MARCHF11: variants seen among roughly 807,000 people sequenced by gnomAD.
The protein encoded by MARCHF11 is E3 ubiquitin-protein ligase MARCHF11.
Under a neutral mutation model 37.3 loss-of-function variants are expected in MARCHF11, and 29 were observed. That is an observed-to-expected ratio of 0.78 (90% CI 0.58 to 1.06). MARCHF11 has a LOEUF of 1.06. Ranked by LOEUF, MARCHF11 falls within the 50% of genes least tolerant of loss-of-function variation. The pLI, the probability that MARCHF11 is intolerant of heterozygous loss-of-function variation, is 0.00. For missense variants in MARCHF11, 482 were observed against 533.4 expected (o/e 0.90, Z 0.95); for synonymous variants, 233 against 228.0 (o/e 1.02, Z -0.20).
At chr5:16,116,427 A>T (rs894696587) in intron 2 of MARCHF11, among the ~76,000 whole-genome samples, 6 of 152,170 alleles carry the variant, frequency 3.9e-5, no homozygotes, top group African/African-American at 1.4e-4. Flanking sequence ...TTCATCAAAC[A>T]ACTCTGAATA....
intron 2 of MARCHF11, among the ~76,000 whole-genome samples, chr5:16,098,231 C>G (rs1207726826): frequency 6.6e-6 from 1 of 152,114 alleles, no homozygotes; most frequent in Non-Finnish European, 1.5e-5. Context: ...GAAATGCTAT[C>G]TTTTCTCTGA....
intron 2 of MARCHF11, among the ~76,000 whole-genome samples, chr5:16,156,555 A>G (rs1447452148): frequency 1.3e-5 from 2 of 151,882 alleles, no homozygotes; most frequent in African/African-American, 2.4e-5. Context: ...TAATGTGAGC[A>G]TGTCTTTCCT....
intron 3 of MARCHF11, among the ~76,000 whole-genome samples, chr5:16,070,394 A>G (rs1425241460): frequency 6.6e-6 from 1 of 152,236 alleles, no homozygotes; most frequent in Non-Finnish European, 1.5e-5. Context: ...AGACATTATT[A>G]TTAATTAAAA....
chr5:16,179,436 C>A lies in MARCHF11; in HGVS notation c.140G>T (p.Arg47Leu). Residue 47 changes from arginine to leucine, a missense_variant, in exon 1 of 4, where the codon CGC (arginine) becomes CTC (leucine). Coordinates refer to ENST00000332432, the MANE Select transcript of MARCHF11 (RefSeq NM_001102562.3). The part of the protein sequence containing the change: ...GEPAPVPAAP[R>L]YLPPLPASPE... ...GGACGCGGGCAGCGGCGGCAGGTAG[C>A]GCGGGGCCGCGGGGACCGGGGCCGG... 9.0e-7 allele frequency: 1 copy of A among 1,111,112 alleles called. No individual in the cohort carries two copies. The highest frequency in any genetic ancestry group is 1.1e-6 in the Non-Finnish European group (1 of 912,262). The allele number at this position is 1,111,112 out of a possible 1,614,324, so 68.8% of individuals were successfully genotyped here. A position where few individuals can be genotyped will look rare whatever the true frequency, so the allele number is the denominator to read the frequency against.
At chr5:16,125,028 T>C (rs1737378809) in intron 2 of MARCHF11, among the ~76,000 whole-genome samples, 1 of 151,528 alleles carries the variant, frequency 6.6e-6, no homozygotes, top group Non-Finnish European at 1.5e-5. Flanking sequence ...ATTCTTATTG[T>C]TTGATTAGGT....
intron 2 of MARCHF11, among the ~76,000 whole-genome samples, chr5:16,163,626 A>G (rs1290865217): frequency 6.6e-6 from 1 of 152,090 alleles, no homozygotes; most frequent in Non-Finnish European, 1.5e-5. Context: ...GAAAAGATAA[A>G]TCATGCAAAT....
chr5:16,172,454 G>C (rs1372216527), intron 2 of MARCHF11, among the ~76,000 whole-genome samples: 2 of 152,112 alleles, frequency 1.3e-5, no homozygotes, highest in Non-Finnish European at 2.9e-5. Context: ...CCCTCAGCTT[G>C]TCATTTGCTA....
intron 2 of MARCHF11, among the ~76,000 whole-genome samples, chr5:16,152,811 T>C (rs1443130498): frequency 6.6e-6 from 1 of 152,038 alleles, no homozygotes. Flanking sequence ...TTGGACTAAA[T>C]GTCTCTCTCT....
At chr5:16,118,039 A>G (rs1475702982) in intron 2 of MARCHF11, among the ~76,000 whole-genome samples, 1 of 152,260 alleles carries the variant, frequency 6.6e-6, no homozygotes, top group Non-Finnish European at 1.5e-5. Flanking sequence ...GCATTTTATC[A>G]TGACAGCTAA....
chr5:16,089,509 T>C (rs1413842362), intron 3 of MARCHF11, among the ~76,000 whole-genome samples: 3 of 152,150 alleles, frequency 2.0e-5, no homozygotes, highest in African/African-American at 7.2e-5. Flanking sequence ...ATTCAAAACA[T>C]TTCATTCTTT....
Position 16,139,975 on chromosome 5 carries a change from G to C in MARCHF11, c.693+37751C>G, listed in dbSNP as rs906675950. On this transcript the variant is annotated intron_variant, in intron 2 of 3. Transcript: ENST00000332432. ...AGTAGAAATTAAATAGACAATACTT[G>C]CTGTTGACAATGTAATAAAAATCTA... Among the ~76,000 whole-genome samples the C allele has an allele frequency of 1.4e-4, 22 of 152,244 alleles. 1 individual carries two copies. The highest frequency in any genetic ancestry group is 1.3e-3 in the Admixed American group (20 of 15,286).
At chr5:16,070,087 G>A (rs1430490932) in intron 3 of MARCHF11, among the ~76,000 whole-genome samples, 2 of 152,254 alleles carry the variant, frequency 1.3e-5, no homozygotes, top group Admixed American at 1.3e-4. Flanking sequence ...TCAAATAATT[G>A]TTTTTATCAA....
At chr5:16,099,724 G>A (rs1736925820) in intron 2 of MARCHF11, among the ~76,000 whole-genome samples, 1 of 152,208 alleles carries the variant, frequency 6.6e-6, no homozygotes, top group African/African-American at 2.4e-5. Flanking sequence ...TTAGGCATGA[G>A]AAAATGCTCC....
intron 2 of MARCHF11, among the ~76,000 whole-genome samples, chr5:16,114,490 T>C (rs1009214120): frequency 1.2e-4 from 18 of 152,166 alleles, no homozygotes; most frequent in African/African-American, 4.3e-4. Context: ...ATGTCCTAAA[T>C]GTTTTTATCT....
At chr5:16,105,223 C>A (rs1322688203) in intron 2 of MARCHF11, among the ~76,000 whole-genome samples, 1 of 152,198 alleles carries the variant, frequency 6.6e-6, no homozygotes, top group Non-Finnish European at 1.5e-5. Flanking sequence ...CAAAGAAATT[C>A]TTTCCACTGA....
intron 2 of MARCHF11, among the ~76,000 whole-genome samples, chr5:16,140,255 ATG>A (rs1471040992): frequency 2.6e-5 from 4 of 152,190 alleles, no homozygotes; most frequent in Non-Finnish European, 4.4e-5. Flanking sequence ...AATTCAAGAA[ATG>A]TAAGGCCAAT....
At chr5:16,141,180 G>A (rs1043917851) in intron 2 of MARCHF11, 2 of 152,104 alleles carry the variant, frequency 1.3e-5, no homozygotes, top group African/African-American at 2.4e-5. Flanking sequence ...CCTCTCAACA[G>A]GAGGCATTGG....
intron 2 of MARCHF11, among the ~76,000 whole-genome samples, chr5:16,151,632 G>T (rs1242433444): frequency 7.2e-6 from 1 of 138,590 alleles, no homozygotes; most frequent in Non-Finnish European, 1.5e-5. Context: ...GTGTGTGTGT[G>T]TGCATGCGTG....
rs1016361839 is a variant in MARCHF11, at chr5:16,179,225, G to T, written c.351C>A (p.Gly117=). 5.9e-6 allele frequency: 8 copies of T among 1,347,670 alleles called. No homozygotes were observed. In the East Asian group the frequency reaches 2.6e-4, roughly 43 times the overall value. 83.5% of individuals were successfully genotyped at this position (1,347,670 alleles called of 1,614,324 possible). A position where few individuals can be genotyped will look rare whatever the true frequency, so the allele number is the denominator to read the frequency against. The part of the protein sequence containing the change: ...RRLPEAAAAK[G]GPGESEAGAG... The stretch of plus-strand genomic sequence containing the variant: ...CGCCGGCCTCAGACTCCCCGGGGCC[G>T]CCTTTCGCTGCTGCCGCCTCCGGGA... The change falls in exon 1 of 4, where the codon GGC becomes GGA. Residue 117 remains glycine, a synonymous_variant. Transcript: ENST00000332432.
Sources: allele counts gnomAD v4.1 joint callset (sites outside exome capture counted in the v4.1 genomes callset), GRCh38; gene constraint gnomAD v4.1.1; transcripts MANE v1.5; gene names NCBI Gene and HGNC (gene_info 2026-07-23, HGNC 2026-07-21).